Variants in DDX41 observed in about 807,000 individuals in gnomAD.
DDX41 encodes probable ATP-dependent RNA helicase DDX41.
In DDX41, 50 loss-of-function variants were observed where a neutral mutation model predicts 78.8. The observed-to-expected ratio is 0.63, with a 90% CI of 0.51 to 0.80. DDX41 has a LOEUF of 0.80. DDX41 is among the 30% of genes least tolerant of loss of function. DDX41 has a pLI of 0.00. For missense variants in DDX41, 633 were observed against 849.2 expected, an observed-to-expected ratio of 0.75 and a Z score of 3.16; for synonymous variants, 381 against 321.5, an observed-to-expected ratio of 1.19 and a Z score of -1.98.
At position 177,515,251 on chromosome 5, in the gene DDX41, C is replaced by G; in HGVS notation, c.579G>C (p.Leu193=). ...FKEMKFPAAI[L]RGLKKKGIHH... is the part of the protein sequence containing the mutation. ...GAATGCCTTTCTTCTTCAGGCCTCT[C>G]AGGATGGCTATGAAAACCAACCGAC... Residue 193 remains leucine, a synonymous_variant, in exon 7 of 17, where the codon CTG becomes CTC. Coordinates refer to ENST00000330503, the MANE Select transcript of DDX41 (RefSeq NM_016222.4). The G allele has an allele frequency of 6.2e-7, 1 of 1,614,034 alleles. No homozygotes were observed. Among genetic ancestry groups the G allele is most frequent in the Non-Finnish European group, 8.5e-7 (1 of 1,180,026 alleles).
In DDX41 at chr5:177,516,775, C is replaced by T. The variant is rs559527781; in HGVS notation, c.88G>A (p.Asp30Asn). 2 of 1,612,352 alleles carry T rather than the reference C, an allele frequency of 1.2e-6. No individual in the cohort carries two copies. The highest frequency in any genetic ancestry group is 1.7e-6 in the Non-Finnish European group (2 of 1,179,646). The part of the protein sequence containing the change: ...GSRSEAEDED[D>N]EDYVPYVPLR... ...GGCACATAGGGCACGTAGTCCTCGT[C>T]GTCCTCATCTTCCGCCTCGGAGCGG... The change falls in exon 2 of 17, where the codon GAC becomes AAC. Residue 30 changes from aspartate (D) to asparagine (N), a missense_variant. Coordinates refer to ENST00000330503, the MANE Select transcript of DDX41 (RefSeq NM_016222.4).
Position 177,511,673 on chromosome 5 carries a change from G to A in DDX41, c.*118C>T, listed in dbSNP as rs1747884543. On this transcript the variant is annotated 3_prime_UTR_variant, in exon 17 of 17. Coordinates refer to ENST00000330503, the MANE Select transcript of DDX41 (RefSeq NM_016222.4). ...GGGAACAGGCAGCCAGGACCAGCCT[G>A]GCCCATCCCAGGCCAGCTGAGCTGA... The A allele has an allele frequency of 2.9e-6, 4 of 1,395,118 alleles. No homozygotes were observed. The South Asian group carries it at 5.1e-5, about 18-fold the overall frequency. 86.4% of individuals were successfully genotyped at this position (1,395,118 alleles called of 1,614,324 possible). A position where few individuals can be genotyped will look rare whatever the true frequency, so the allele number is the denominator to read the frequency against.
rs1195530228 is a variant in DDX41 at position 177,513,967 on chromosome 5, C to T, written c.936-120G>A. On this transcript the variant is annotated intron_variant, in intron 9 of 16. Coordinates refer to ENST00000330503, the MANE Select transcript of DDX41 (RefSeq NM_016222.4). This position sits in a 1 kb window ranked among gnomAD's most constrained non-coding sequence, Gnocchi z 4.6. ...TCCTTCCTATTTCTTTGTCTGTCCCCTTCTCATCATTCCCACCACCTGCCC... is the reference window on the plus strand; with the variant it reads ...TCCTTCCTATTTCTTTGTCTGTCCCTTTCTCATCATTCCCACCACCTGCCC... The T allele has an allele frequency of 4.8e-6, 5 of 1,040,606 alleles. No homozygotes were observed. Among genetic ancestry groups the T allele is most frequent in the Middle Eastern group, 2.1e-4 (1 of 4,716 alleles). The allele number at this position is 1,040,606 out of a possible 1,614,324, so 64.5% of individuals were successfully genotyped here.
Position 177,514,825 on chromosome 5 carries a change from G to T in DDX41, c.811C>A (p.Arg271=), listed in dbSNP as rs778379292. ...LIICPSRELA[R]QTHGILEYYC... is the part of the protein sequence containing the mutation. ...TACTCCAGGATGCCATGGGTCTGCCGGGCCAGCTCCCGCTGCAGGCAGAGG... is the reference window on the plus strand; with the variant it reads ...TACTCCAGGATGCCATGGGTCTGCCTGGCCAGCTCCCGCTGCAGGCAGAGG... Residue 271 remains arginine, a synonymous_variant, in exon 9 of 17, where the codon CGG becomes AGG. Transcript: ENST00000330503. This position sits in a 1 kb window ranked among gnomAD's most constrained non-coding sequence, Gnocchi z 4.2. 1.2e-6 allele frequency: 2 copies of T among 1,611,640 alleles called. No individual in the cohort carries two copies. The highest frequency in any genetic ancestry group is 3.3e-5 in the Admixed American group (2 of 59,974).
chr5:177,512,487 G>A lies in DDX41; in HGVS notation c.1549+9C>T. 2 of 1,614,108 alleles carry A rather than the reference G, an allele frequency of 1.2e-6. No homozygotes were observed. Among genetic ancestry groups the A allele is most frequent in the South Asian group, 2.2e-5 (2 of 91,082 alleles). ...GCCTAACCCATGCCCTTGGGCCCCA[G>A]GCTCTTACCATAGTTCTCAATCTCC... On this transcript the variant is annotated intron_variant, in intron 14 of 16. Coordinates refer to ENST00000330503, the MANE Select transcript of DDX41 (RefSeq NM_016222.4).
Position 177,516,196 on chromosome 5 carries a change from G to A in DDX41, c.299-3C>T, listed in dbSNP as rs758614565. 1.2e-5 allele frequency: 20 copies of A among 1,614,118 alleles called. No individual in the cohort carries two copies. Among genetic ancestry groups the A allele is most frequent in the Middle Eastern group, 1.6e-4 (1 of 6,062 alleles). The stretch of plus-strand genomic sequence containing the variant: ...CTCCTTGGCAGACTCTTTGCGCGCT[G>A]AGAAAAGAAGTGGAAGATGTCAGAC... On this transcript the variant is annotated splice_region_variant and splice_polypyrimidine_tract_variant and intron_variant, in intron 3 of 16. Transcript: ENST00000330503.
In DDX41 at chr5:177,515,729, A is replaced by G. The variant is rs551512601; in HGVS notation, c.527T>C (p.Ile176Thr). The G allele has an allele frequency of 6.2e-7, 1 of 1,614,116 alleles. No individual in the cohort carries two copies. The highest frequency in any genetic ancestry group is 2.2e-5 in the East Asian group (1 of 44,884). Residue 176 changes from isoleucine to threonine, a missense_variant, in exon 6 of 17, where the codon ATC (isoleucine) becomes ACC (threonine). This residue lies in a region of DDX41 where 126 missense variants were observed against 115.5 expected (regional missense o/e 1.09). Coordinates refer to ENST00000330503, the MANE Select transcript of DDX41 (RefSeq NM_016222.4). ...CTTGAAGCTCTTGATGGGTGGTGGGATACCGTCTCCCTCCACCAGGATGTG... is the reference window on the plus strand; with the variant it reads ...CTTGAAGCTCTTGATGGGTGGTGGGGTACCGTCTCCCTCCACCAGGATGTG... Reference protein sequence around the residue: ...KYHILVEGDGIPPPIKSFKEM... With the variant: ...KYHILVEGDGTPPPIKSFKEM...
intron 5 of DDX41, 30 bp from the exon 6 acceptor site, chr5:177,515,851 C>A: frequency 6.2e-7 from 1 of 1,614,138 alleles, no homozygotes. Flanking sequence ...ATCAAGAGAG[C>A]CCTGGGAATA....
chr5:177,516,224 A>C (rs919957174), intron 3 of DDX41, 31 bp from the exon 4 acceptor site: 1 of 1,614,158 alleles, frequency 6.2e-7, no homozygotes, highest in African/African-American at 1.3e-5. Context: ...TGTCAGACAG[A>C]TACCAAAACG....
Position 177,513,986 on chromosome 5 carries a change from C to T in DDX41, c.936-139G>A. The T allele has an allele frequency of 1.1e-6, 1 of 876,058 alleles. No individual in the cohort carries two copies. Among genetic ancestry groups the T allele is most frequent in the South Asian group, 1.6e-5 (1 of 64,464 alleles). 54.3% of individuals were successfully genotyped at this position (876,058 alleles called of 1,614,324 possible). On this transcript the variant is annotated intron_variant, in intron 9 of 16. Coordinates refer to ENST00000330503, the MANE Select transcript of DDX41 (RefSeq NM_016222.4). This position sits in a 1 kb window ranked among gnomAD's most constrained non-coding sequence, Gnocchi z 4.6. ...TGTCCCCTTCTCATCATTCCCACCACCTGCCCTATGTATAGCACACAGCTC... is the reference window on the plus strand; with the variant it reads ...TGTCCCCTTCTCATCATTCCCACCATCTGCCCTATGTATAGCACACAGCTC...
intron 2 of DDX41, 60 bp from the exon 3 acceptor site, chr5:177,516,507 A>G (rs768363763): frequency 6.3e-7 from 1 of 1,595,852 alleles, no homozygotes; most frequent in African/African-American, 1.3e-5. Flanking sequence ...GGTCAGCGTC[A>G]GGATCCTGGC....
chr5:177,512,587 T>G lies in DDX41; in HGVS notation c.1458A>C (p.Leu486=). The G allele has an allele frequency of 6.2e-7, 1 of 1,614,158 alleles. No individual in the cohort carries two copies. The highest frequency in any genetic ancestry group is 8.5e-7 in the Non-Finnish European group (1 of 1,180,028). The change falls in exon 14 of 17, where the codon CTA becomes CTC. Residue 486 remains leucine, a synonymous_variant. Coordinates refer to ENST00000330503, the MANE Select transcript of DDX41 (RefSeq NM_016222.4). ...EAFREGKKDV[L]VATDVASKGL... The stretch of plus-strand genomic sequence containing the variant: ...CCTTGGAGGCAACGTCTGTGGCTAC[T>G]AGGACATCCTTCTTGCCCTCCCGGA...
chr5:177,514,858 G>A lies in DDX41; in HGVS notation c.799-21C>T. The A allele has an allele frequency of 6.2e-7, 1 of 1,606,558 alleles. No individual in the cohort carries two copies. Among genetic ancestry groups the A allele is most frequent in the African/African-American group, 1.3e-5 (1 of 74,920 alleles). On this transcript the variant is annotated intron_variant, in intron 8 of 16. Coordinates refer to ENST00000330503, the MANE Select transcript of DDX41 (RefSeq NM_016222.4). The surrounding 1 kb of genome is among the most constrained non-coding windows in gnomAD (Gnocchi z 4.2). The stretch of plus-strand genomic sequence containing the variant: ...TCCCGCTGCAGGCAGAGGGACAAAG[G>A]CTGGCACCAGATGGCAGCCCCAATC...
Position 177,516,450 on chromosome 5 carries a change from G to C in DDX41, c.139-3C>G, listed in dbSNP as rs1392392494. ...CTTCGCTGCAGCAGCTTCTGGAGCT[G>C]AGGTTCCACCCGGGATCCACAGATA... is the stretch of plus-strand genomic sequence containing the variant. On this transcript the variant is annotated splice_polypyrimidine_tract_variant and splice_region_variant and intron_variant, in intron 2 of 16. Transcript: ENST00000330503. 6.2e-7 allele frequency: 1 copy of C among 1,613,158 alleles called. No homozygotes were observed. The highest frequency in any genetic ancestry group is 1.3e-5 in the African/African-American group (1 of 74,956).
At position 177,516,476 on chromosome 5, in the gene DDX41, G is replaced by A. The variant is rs755918477; in HGVS notation, c.139-29C>T. On this transcript the variant is annotated intron_variant, in intron 2 of 16. Transcript: ENST00000330503. ...AGGTTCCACCCGGGATCCACAGATA[G>A]GATGGGCATGGAGTCCACAAGGTCA... 6.2e-6 allele frequency: 10 copies of A among 1,610,684 alleles called. No homozygotes were observed. The East Asian group carries it at 1.6e-4, about 25-fold the overall frequency.
In DDX41 at chr5:177,513,965, C is replaced by T; in HGVS notation, c.936-118G>A. On this transcript the variant is annotated intron_variant, in intron 9 of 16. Transcript: ENST00000330503. The surrounding 1 kb of genome is among the most constrained non-coding windows in gnomAD (Gnocchi z 4.6). ...CCTCCTTCCTATTTCTTTGTCTGTC[C>T]CCTTCTCATCATTCCCACCACCTGC... 1 of 1,047,296 alleles carries T rather than the reference C, an allele frequency of 9.5e-7. No homozygotes were observed. Among genetic ancestry groups the T allele is most frequent in the South Asian group, 1.5e-5 (1 of 68,460 alleles). 64.9% of individuals were successfully genotyped at this position (1,047,296 alleles called of 1,614,324 possible). A position where few individuals can be genotyped will look rare whatever the true frequency, so the allele number is the denominator to read the frequency against.
At chr5:177,516,216 TCAGA>T in intron 3 of DDX41, 23 bp from the exon 4 acceptor site, 2 of 1,614,148 alleles carry the variant, frequency 1.2e-6, no homozygotes, top group African/African-American at 2.7e-5. Flanking sequence ...GTGGAAGATG[TCAGA>T]CAGATACCAA....
In DDX41 at chr5:177,513,751, G is replaced by A. The variant is rs538381233; in HGVS notation, c.1032C>T (p.Asp344=). The A allele has an allele frequency of 2.5e-5, 40 of 1,613,874 alleles. No individual in the cohort carries two copies. The highest frequency in any genetic ancestry group is 4.4e-5 in the South Asian group (4 of 91,078). Residue 344 remains aspartate, a synonymous_variant, in exon 10 of 17, where the codon GAC becomes GAT. Coordinates refer to ENST00000330503, the MANE Select transcript of DDX41 (RefSeq NM_016222.4). The surrounding 1 kb of genome is among the most constrained non-coding windows in gnomAD (Gnocchi z 4.6). ...CCATGTCGATCATGCGGTCAGCCTC[G>A]TCCAGGGCCAGGTAGCGACAGATGT... The part of the protein sequence containing the change: ...SLDICRYLAL[D]EADRMIDMGF...
In DDX41 at chr5:177,513,403, C is replaced by T; in HGVS notation, c.1180G>A (p.Val394Met). 1 of 1,614,184 alleles carries T rather than the reference C, an allele frequency of 6.2e-7. No homozygotes were observed. Among genetic ancestry groups the T allele is most frequent in the Non-Finnish European group, 8.5e-7 (1 of 1,180,040 alleles). ...CCAGCGCGCCCCACATTGATGGTCA[C>T]AGGCTTTACAAGGGCACTCTTAGCA... Reference protein sequence around the residue: ...NFAKSALVKPVTINVGRAGAA... With the variant: ...NFAKSALVKPMTINVGRAGAA... Residue 394 changes from valine to methionine, a missense_variant, in exon 11 of 17, where the codon GTG becomes ATG. By Grantham distance (21) the Val-to-Met change is conservative. Coordinates refer to ENST00000330503, the MANE Select transcript of DDX41 (RefSeq NM_016222.4). The surrounding 1 kb of genome is among the most constrained non-coding windows in gnomAD (Gnocchi z 4.6).
Sources: gnomAD v4.1 joint callset for allele counts on GRCh38, gnomAD v4.1.1 for gene constraint, gnomAD v4.1.1 regional missense constraint, Gnocchi (gnomAD v3.1) non-coding constraint, MANE v1.5 for transcripts, NCBI Gene and HGNC (gene_info 2026-07-23, HGNC 2026-07-21) for gene names.